TMEM163: variants seen among roughly 807,000 people sequenced by gnomAD.
TMEM163 encodes transmembrane protein 163.
TMEM163 carries 17 observed loss-of-function variants against 29.3 expected under a neutral mutation model. The observed-to-expected ratio is 0.58, with a 90% confidence interval of 0.40 to 0.87. The LOEUF is 0.87. TMEM163 is among the 40% of genes least tolerant of loss of function. The pLI is 0.00. For missense variants in TMEM163, 303 were observed against 381.5 expected (o/e 0.79, Z 1.71); for synonymous variants, 157 against 160.6 (o/e 0.98, Z 0.17).
chr2:134,475,047 G>C (rs1013783773), intron 5 of TMEM163, among the ~76,000 whole-genome samples: 1 of 152,002 alleles, frequency 6.6e-6, no homozygotes, highest in African/African-American at 2.4e-5. Context: ...TTTTGAAAAA[G>C]AACAAGTTTC....
At chr2:134,702,768 A>G (rs1051272410) in intron 2 of TMEM163, among the ~76,000 whole-genome samples, 5 of 152,220 alleles carry the variant, frequency 3.3e-5, no homozygotes, top group African/African-American at 1.2e-4. Flanking sequence ...AATAATGGAA[A>G]TGAAAAAGCT....
At chr2:134,557,535 T>C (rs1367962385) in intron 2 of TMEM163, among the ~76,000 whole-genome samples, 2 of 152,178 alleles carry the variant, frequency 1.3e-5, no homozygotes, top group East Asian at 3.8e-4. Context: ...ATATATTCGT[T>C]CTGTTCGGAA....
At chr2:134,623,388 T>G (rs1682782159) in intron 2 of TMEM163, among the ~76,000 whole-genome samples, 1 of 152,136 alleles carries the variant, frequency 6.6e-6, no homozygotes, top group Non-Finnish European at 1.5e-5. Context: ...CACACCCAAG[T>G]ACTAGATTCT....
intron 2 of TMEM163, among the ~76,000 whole-genome samples, chr2:134,577,773 T>TA (rs1429010107): frequency 6.6e-6 from 1 of 151,952 alleles, no homozygotes; most frequent in Non-Finnish European, 1.5e-5. Flanking sequence ...GTGGGTTCTT[T>TA]ATCTGTGGAT....
chr2:134,464,492 G>T (rs1489996704), intron 6 of TMEM163, among the ~76,000 whole-genome samples: 1 of 152,172 alleles, frequency 6.6e-6, no homozygotes, highest in Non-Finnish European at 1.5e-5. Flanking sequence ...CTGGGATTTT[G>T]CAGTCAGGAT....
intron 2 of TMEM163, among the ~76,000 whole-genome samples, chr2:134,560,060 T>C (rs1681132848): frequency 6.6e-6 from 1 of 152,066 alleles, no homozygotes; most frequent in Non-Finnish European, 1.5e-5. Flanking sequence ...CTCTTCATTC[T>C]GCCAGAAACA....
intron 2 of TMEM163, among the ~76,000 whole-genome samples, chr2:134,650,873 T>C (rs1683460524): frequency 7.4e-6 from 1 of 135,004 alleles, no homozygotes; most frequent in Non-Finnish European, 1.5e-5. Context: ...GGACACGAAC[T>C]CATCATTTTT....
chr2:134,549,023 A>G (rs1023085798), intron 4 of TMEM163, among the ~76,000 whole-genome samples: 37 of 152,204 alleles, frequency 2.4e-4, no homozygotes, highest in African/African-American at 8.2e-4. Context: ...AGTTTTTTTC[A>G]ACCACAAATT....
Position 134,667,989 on chromosome 2 carries a change from C to T in TMEM163, c.322+45211G>A, listed in dbSNP as rs555749669. 2.0e-5 allele frequency among the ~76,000 whole-genome samples: 3 copies of T among 152,292 alleles called. No homozygotes were observed. In the East Asian group the frequency reaches 5.8e-4, roughly 29 times the overall value. ...AGCACTGGCCCAGCTGCTGGGAGAT[C>T]GGATCTGCTGATCCAGCCCTGCCGA... On this transcript the variant is annotated intron_variant, in intron 2 of 7. Coordinates refer to ENST00000281924, the MANE Select transcript of TMEM163 (RefSeq NM_030923.5).
At chr2:134,457,072 ACTTC>A (rs946855148) in intron 7 of TMEM163, among the ~76,000 whole-genome samples, 1 of 151,738 alleles carries the variant, frequency 6.6e-6, no homozygotes, top group African/African-American at 2.4e-5. Flanking sequence ...GCCTTTTGTG[ACTTC>A]CTTCATAATA....
At chr2:134,598,314 A>G (rs542647951) in intron 2 of TMEM163, among the ~76,000 whole-genome samples, 1 of 152,324 alleles carries the variant, frequency 6.6e-6, no homozygotes, top group South Asian at 2.1e-4. Context: ...TGTCAGTTGT[A>G]TTTGTTAATA....
chr2:134,460,685 C>G lies in TMEM163; in HGVS notation c.668-2512G>C, dbSNP rs1574147873. Among the ~76,000 whole-genome samples the G allele has an allele frequency of 6.6e-6, 1 of 152,156 alleles. No individual in the cohort carries two copies. Among genetic ancestry groups the G allele is most frequent in the Non-Finnish European group, 1.5e-5 (1 of 68,032 alleles). On this transcript the variant is annotated intron_variant, in intron 6 of 7. Transcript: ENST00000281924. This position sits in a 1 kb window ranked among gnomAD's most constrained non-coding sequence, Gnocchi z 4.3. Reference sequence around the variant, plus strand: ...GTGCTGCTCAGAAAAGAGGCAAAAGCGTGAGGTTCCCCAGACAGCCACTAG... The same window carrying G: ...GTGCTGCTCAGAAAAGAGGCAAAAGGGTGAGGTTCCCCAGACAGCCACTAG...
chr2:134,595,320 T>G (rs1393756247), intron 2 of TMEM163, among the ~76,000 whole-genome samples: 1 of 152,016 alleles, frequency 6.6e-6, no homozygotes, highest in African/African-American at 2.4e-5. Context: ...TGTGTCCAAG[T>G]GTTCTCATTG....
intron 2 of TMEM163, among the ~76,000 whole-genome samples, chr2:134,561,858 T>A (rs1558946131): frequency 6.6e-6 from 1 of 152,212 alleles, no homozygotes; most frequent in East Asian, 1.9e-4. Flanking sequence ...ACTGAGCACC[T>A]ACTATGTGTC....
intron 4 of TMEM163, among the ~76,000 whole-genome samples, chr2:134,521,818 A>G (rs1330289375): frequency 6.6e-6 from 1 of 152,162 alleles, no homozygotes; most frequent in Admixed American, 6.5e-5. Context: ...CTGCACCTGC[A>G]TAACCCCTCC....
chr2:134,631,651 G>T (rs1682973485), intron 2 of TMEM163, among the ~76,000 whole-genome samples: 1 of 152,188 alleles, frequency 6.6e-6, no homozygotes, highest in South Asian at 2.1e-4. Context: ...CTATTTCTGG[G>T]TTCTTCGTGT....
At chr2:134,675,587 T>C (rs746783667) in intron 2 of TMEM163, among the ~76,000 whole-genome samples, 24 of 151,986 alleles carry the variant, frequency 1.6e-4, no homozygotes, top group Admixed American at 5.9e-4. Context: ...ATATTCCCTG[T>C]CTGAAAAAAA....
intron 5 of TMEM163, among the ~76,000 whole-genome samples, chr2:134,482,806 G>A (rs1014228877): frequency 1.3e-5 from 2 of 152,168 alleles, no homozygotes; most frequent in African/African-American, 4.8e-5. Flanking sequence ...AGACCATTTT[G>A]ATGTCTGGAG....
intron 2 of TMEM163, among the ~76,000 whole-genome samples, chr2:134,709,044 T>C (rs1250147814): frequency 6.6e-6 from 1 of 152,196 alleles, no homozygotes; most frequent in Non-Finnish European, 1.5e-5. Context: ...AAAAATTAAC[T>C]TGCACTCAAA....
Sources: allele counts gnomAD v4.1 joint callset (sites outside exome capture counted in the v4.1 genomes callset), GRCh38; gene constraint gnomAD v4.1.1; non-coding constraint Gnocchi (gnomAD v3.1); transcripts MANE v1.5; gene names NCBI Gene and HGNC (gene_info 2026-07-23, HGNC 2026-07-21).